Variants in RP1L1 observed in about 807,000 individuals in gnomAD.
The protein encoded by RP1L1 is retinitis pigmentosa 1-like 1 protein.
Under a neutral mutation model 15.7 loss-of-function variants are expected in RP1L1, and 27 were observed. The observed-to-expected ratio is 1.72, with a 90% confidence interval of 1.27 to 2.38. The LOEUF (loss-of-function observed/expected upper bound fraction) is 2.38. Ranked by LOEUF, RP1L1 falls within the 30% of genes most tolerant of loss-of-function variation. The pLI, the probability that RP1L1 is intolerant of heterozygous loss-of-function variation, is 0.00. For missense variants in RP1L1, 4,798 were observed against 3,075.9 expected (o/e 1.56, Z -13.24); for synonymous variants, 1,813 against 1,276.7 (o/e 1.42, Z -8.96).
chr8:10,626,242 G>A (rs1203952854), intron 1 of RP1L1, among the ~76,000 whole-genome samples: 2 of 126,930 alleles, frequency 1.6e-5, no homozygotes, highest in Non-Finnish European at 3.6e-5. Flanking sequence ...AATAGCGGGA[G>A]GATGGGGGAG....
chr8:10,637,218 C>T (rs887849323), intron 1 of RP1L1, among the ~76,000 whole-genome samples: 5 of 152,300 alleles, frequency 3.3e-5, no homozygotes, highest in South Asian at 4.1e-4. Flanking sequence ...TAGTAAGGGG[C>T]GTCCCCTTCA....
intron 1 of RP1L1, among the ~76,000 whole-genome samples, chr8:10,644,431 C>G (rs1217422384): frequency 1.3e-5 from 2 of 152,194 alleles, no homozygotes; most frequent in Admixed American, 1.3e-4. Flanking sequence ...CATGCCTGGC[C>G]CTGACTGTTG....
At chr8:10,618,377 A>G (rs1313713583) in intron 2 of RP1L1, among the ~76,000 whole-genome samples, 1 of 152,148 alleles carries the variant, frequency 6.6e-6, no homozygotes, top group Non-Finnish European at 1.5e-5. Flanking sequence ...GCGTGGTGGT[A>G]GACGCCTGTA....
chr8:10,636,253 G>A (rs1473869114), intron 1 of RP1L1, among the ~76,000 whole-genome samples: 1 of 152,174 alleles, frequency 6.6e-6, no homozygotes, highest in Non-Finnish European at 1.5e-5. Flanking sequence ...GAAGGGTTCT[G>A]GGGGCATCTG....
chr8:10,612,660 C>A lies in RP1L1; in HGVS notation c.1438G>T (p.Val480Leu), dbSNP rs777563548. The A allele has an allele frequency of 1.9e-6, 3 of 1,601,284 alleles. No homozygotes were observed. The highest frequency in any genetic ancestry group is 2.5e-6 in the Non-Finnish European group (3 of 1,177,982). Residue 480 changes from valine to leucine, a missense_variant, in exon 4 of 4, where the codon GTG becomes TTG. By Grantham distance (32) the Val-to-Leu change is conservative. Coordinates refer to ENST00000382483, the MANE Select transcript of RP1L1 (RefSeq NM_178857.6). ...TGGGCAGAGGGGCTGGCACTGTCCA[C>A]CCCGTCCTCCGGGGTCCTGGGGCAG... ...SCCPRTPEDGVDSASPSAQIG... is the reference protein window; with the variant it reads ...SCCPRTPEDGLDSASPSAQIG...
chr8:10,607,116 C>T lies in RP1L1; in HGVS notation c.6982G>A (p.Ala2328Thr). 2 of 1,614,242 alleles carry T rather than the reference C, an allele frequency of 1.2e-6. No homozygotes were observed. The highest frequency in any genetic ancestry group is 2.7e-5 in the African/African-American group (2 of 75,062). Reference sequence around the variant, plus strand: ...GCATGAGGGGTCCCCGTGGACTTGGCATCAGGGCTCCTTGTGTCTCCAAGT... The same window carrying T: ...GCATGAGGGGTCCCCGTGGACTTGGTATCAGGGCTCCTTGTGTCTCCAAGT... ...HVLGDTRSPD[A>T]KSTGTPHAER... The change falls in exon 4 of 4, where the codon GCC becomes ACC. Residue 2328 changes from alanine (A) to threonine (T), a missense_variant. Ala to Thr is a moderately conservative substitution (Grantham distance 58). Coordinates refer to ENST00000382483, the MANE Select transcript of RP1L1 (RefSeq NM_178857.6).
Position 10,608,023 on chromosome 8 carries a change from G to T in RP1L1, c.6075C>A (p.Ala2025=), listed in dbSNP as rs1417878299. Residue 2025 remains alanine, a synonymous_variant, in exon 4 of 4, where the codon GCC becomes GCA. Coordinates refer to ENST00000382483, the MANE Select transcript of RP1L1 (RefSeq NM_178857.6). ...CCTCTTCACCTTCTGACTTTGGCTGGGCCTCTACACCGTCTGACTCTGGCT... is the reference window on the plus strand; with the variant it reads ...CCTCTTCACCTTCTGACTTTGGCTGTGCCTCTACACCGTCTGACTCTGGCT... ...EAQPESDGVE[A]QPKSEGEEAQ... 6.2e-7 allele frequency: 1 copy of T among 1,610,032 alleles called. No individual in the cohort carries two copies. The highest frequency in any genetic ancestry group is 1.7e-5 in the Admixed American group (1 of 59,592).
In RP1L1 at chr8:10,612,736, G is replaced by A. The variant is rs753103984; in HGVS notation, c.1362C>T (p.Ser454=). 2 of 1,606,948 alleles carry A rather than the reference G, an allele frequency of 1.2e-6. No individual in the cohort carries two copies. Among genetic ancestry groups the A allele is most frequent in the Non-Finnish European group, 1.7e-6 (2 of 1,179,478 alleles). ...CGGGGAGGCCGGTGCTGGAGGCTGG[G>A]CTGGCACTGTCCTGGCTGCATCTCT... The part of the protein sequence containing the change: ...GRERCSQDSA[S]PASSTGLPEG... The change falls in exon 4 of 4, where the codon AGC becomes AGT. Residue 454 remains serine, a synonymous_variant. Transcript: ENST00000382483.
intron 2 of RP1L1, chr8:10,621,457 C>G: frequency 3.6e-6 from 1 of 277,832 alleles, no homozygotes; most frequent in Non-Finnish European, 7.1e-6. Context: ...TCCCGAGTAG[C>G]TGGGATTACA....
chr8:10,626,811 A>G (rs184297933), intron 1 of RP1L1, among the ~76,000 whole-genome samples: 3 of 152,328 alleles, frequency 2.0e-5, no homozygotes, highest in African/African-American at 7.2e-5. Flanking sequence ...CGAGAAAGCC[A>G]CAGCACGTCA....
At chr8:10,648,885 G>C (rs1303123025) in intron 1 of RP1L1, among the ~76,000 whole-genome samples, 1 of 152,218 alleles carries the variant, frequency 6.6e-6, no homozygotes, top group African/African-American at 2.4e-5. Context: ...GAGAAGCCCT[G>C]ATGGTCTCAT....
In RP1L1 at chr8:10,609,484, C is replaced by T. The variant is rs373899578; in HGVS notation, c.4614G>A (p.Val1538=). ...GGCCCCAGCGTGCTCGGAGCTCAGC[C>T]ACCGCACTGGCAAGGTGGGCCAGGA... The part of the protein sequence containing the change: ...KAFLAHLASA[V]AELRARWGLQ... Residue 1538 remains valine (V), a synonymous_variant, in exon 4 of 4, where the codon GTG becomes GTA. Transcript: ENST00000382483. The T allele has an allele frequency of 3.4e-5, 55 of 1,611,714 alleles. 1 individual carries two copies. The African/African-American group carries it at 4.4e-4, about 13-fold the overall frequency.
intron 1 of RP1L1, among the ~76,000 whole-genome samples, chr8:10,654,485 G>A (rs1340274092): frequency 6.6e-6 from 1 of 151,970 alleles, no homozygotes; most frequent in Non-Finnish European, 1.5e-5. Context: ...CACCCCAGCT[G>A]ACCTCACCCT....
intron 1 of RP1L1, among the ~76,000 whole-genome samples, chr8:10,624,708 G>C (rs531785085): frequency 2.6e-5 from 4 of 152,350 alleles, no homozygotes; most frequent in South Asian, 4.1e-4. Context: ...CTGCCATAGA[G>C]TCAGGGTGGA....
chr8:10,622,808 C>A lies in RP1L1; in HGVS notation c.394G>T (p.Val132Phe). 1 of 1,613,876 alleles carries A rather than the reference C, an allele frequency of 6.2e-7. No individual in the cohort carries two copies. Reference protein sequence around the residue: ...RNPTAQQLRDVEGQREAPGTS... With the variant: ...RNPTAQQLRDFEGQREAPGTS... ...CCTGGGGCTTCACGCTGGCCTTCGA[C>A]ATCCCGCAACTGCTGAGCAGTGGGG... The change falls in exon 2 of 4, where the codon GTC (valine) becomes TTC (phenylalanine). Residue 132 changes from valine (V) to phenylalanine (F), a missense_variant. Physicochemically the swap from Val to Phe is conservative, Grantham distance 50. Coordinates refer to ENST00000382483, the MANE Select transcript of RP1L1 (RefSeq NM_178857.6).
At chr8:10,638,952 C>T (rs564566814) in intron 1 of RP1L1, among the ~76,000 whole-genome samples, 21 of 152,184 alleles carry the variant, frequency 1.4e-4, no homozygotes, top group African/African-American at 5.1e-4. Flanking sequence ...CGAGACCAGC[C>T]TGGCCAACAC....
At chr8:10,636,579 C>T (rs574780633) in intron 1 of RP1L1, among the ~76,000 whole-genome samples, 5 of 152,290 alleles carry the variant, frequency 3.3e-5, no homozygotes, top group African/African-American at 9.6e-5. Context: ...TCCTTCACAA[C>T]GGCCTCCTCG....
At chr8:10,653,272 T>G (rs1798588868) in intron 1 of RP1L1, among the ~76,000 whole-genome samples, 1 of 152,152 alleles carries the variant, frequency 6.6e-6, no homozygotes, top group African/African-American at 2.4e-5. Flanking sequence ...AGAAAGCTGT[T>G]GAACACTGCA....
chr8:10,609,311 G>C lies in RP1L1; in HGVS notation c.4787C>G (p.Thr1596Ser). 3 of 1,611,646 alleles carry C rather than the reference G, an allele frequency of 1.9e-6. No homozygotes were observed. The highest frequency in any genetic ancestry group is 2.5e-6 in the Non-Finnish European group (3 of 1,179,772). ...MVLEPPREAL[T>S]GELLLQTQQR... Reference sequence around the variant, plus strand: ...CTGGGTCTGCAGGAGCAGCTCCCCGGTGAGGGCCTCCCTTGGAGGCTCCAG... The same window carrying C: ...CTGGGTCTGCAGGAGCAGCTCCCCGCTGAGGGCCTCCCTTGGAGGCTCCAG... The change falls in exon 4 of 4, where the codon ACC becomes AGC. Residue 1596 changes from threonine to serine, a missense_variant. Coordinates refer to ENST00000382483, the MANE Select transcript of RP1L1 (RefSeq NM_178857.6).
Sources: allele counts gnomAD v4.1 joint callset (sites outside exome capture counted in the v4.1 genomes callset), GRCh38; gene constraint gnomAD v4.1.1; transcripts MANE v1.5; gene names NCBI Gene and HGNC (gene_info 2026-07-23, HGNC 2026-07-21).